Variants in CLU observed in about 807,000 individuals in gnomAD.
The protein encoded by CLU is aging-associated protein 4.
In CLU, 25 loss-of-function variants were observed where a neutral mutation model predicts 46.4. That is an observed-to-expected ratio of 0.54 (90% CI 0.39 to 0.75). The LOEUF is 0.75. Ranked by LOEUF, CLU falls within the 30% of genes least tolerant of loss-of-function variation. The pLI, the probability that CLU is intolerant of heterozygous loss-of-function variation, is 0.00. For synonymous variants in CLU, 235 were observed against 235.1 expected, an observed-to-expected ratio of 1.00 and a Z score of 0.00; for missense variants, 504 against 592.1, an observed-to-expected ratio of 0.85 and a Z score of 1.54.
intron 1 of CLU, among the ~76,000 whole-genome samples, chr8:27,612,728 G>A (rs932651980): frequency 2.0e-5 from 3 of 151,748 alleles, no homozygotes; most frequent in Non-Finnish European, 4.4e-5. Context: ...TCCTTTGCTC[G>A]GACTCACCTC....
At chr8:27,611,308 G>T (rs1024806780) in intron 1 of CLU, 4 of 455,042 alleles carry the variant, frequency 8.8e-6, no homozygotes, top group Admixed American at 4.7e-5. Context: ...GAGAGGGTTC[G>T]CAGTGGCCCG....
At chr8:27,602,047 C>T (rs560343526) in intron 6 of CLU, among the ~76,000 whole-genome samples, 4 of 152,186 alleles carry the variant, frequency 2.6e-5, no homozygotes, top group East Asian at 1.9e-4. Context: ...GCAAAGATTG[C>T]GCCACTACGC....
chr8:27,611,332 C>CCAGA (rs1226995540), intron 1 of CLU: 15 of 455,754 alleles, frequency 3.3e-5, no homozygotes, highest in African/African-American at 1.8e-4. Flanking sequence ...AGCAGGCTTC[C>CCAGA]CAGAGAAAGT....
intron 1 of CLU, chr8:27,614,123 C>A (rs754599443): frequency 6.6e-6 from 1 of 152,232 alleles, no homozygotes; most frequent in Non-Finnish European, 1.5e-5. Flanking sequence ...CAGAAAAAGT[C>A]GGATTTCGGT....
intron 1 of CLU, chr8:27,610,987 C>G (rs1800916592): frequency 8.2e-6 from 3 of 365,558 alleles, no homozygotes; most frequent in South Asian, 2.1e-5. Context: ...GAAAATACCC[C>G]CCTTAGGTCA....
chr8:27,603,616 C>A (rs777725427), intron 6 of CLU, among the ~76,000 whole-genome samples: 8 of 152,090 alleles, frequency 5.3e-5, no homozygotes, highest in Non-Finnish European at 1.2e-4. Context: ...GGAAATATTC[C>A]CTTTGCCTAG....
intron 6 of CLU, among the ~76,000 whole-genome samples, chr8:27,603,362 G>A (rs1405137347): frequency 6.6e-6 from 1 of 152,196 alleles, no homozygotes; most frequent in Non-Finnish European, 1.5e-5. Context: ...TAAAATTATA[G>A]GAGTGAGGCT....
rs752908775 is a variant in CLU, at chr8:27,598,194, G to A, written c.*47C>T. The A allele has an allele frequency of 2.5e-6, 4 of 1,606,708 alleles. No individual in the cohort carries two copies. Among genetic ancestry groups the A allele is most frequent in the Admixed American group, 3.3e-5 (2 of 59,862 alleles). On this transcript the variant is annotated 3_prime_UTR_variant, in exon 9 of 9. Transcript: ENST00000316403. ...GGGGGGCTGCAGCTCATCTTGGGGGGAGCTGGACTCAGATGCCCCCGTAGG... is the reference window on the plus strand; with the variant it reads ...GGGGGGCTGCAGCTCATCTTGGGGGAAGCTGGACTCAGATGCCCCCGTAGG...
intron 6 of CLU, 95 bp from the exon 7 acceptor site, chr8:27,600,104 G>A: frequency 2.1e-6 from 2 of 943,666 alleles, no homozygotes; most frequent in African/African-American, 1.6e-5. Flanking sequence ...ACATGCAGCG[G>A]GAACAAAAGC....
rs375198703 is a variant in CLU at position 27,605,188 on chromosome 8, C to T, written c.565G>A (p.Glu189Lys). ...GTGAAGAACCTGTCCTGGAAGAGCTCGTCTATGATGCTGGACGCGCGGCTG... is the reference window on the plus strand; with the variant it reads ...GTGAAGAACCTGTCCTGGAAGAGCTTGTCTATGATGCTGGACGCGCGGCTG... ...HFSRASSIID[E>K]LFQDRFFTRE... Residue 189 changes from glutamate to lysine, a missense_variant, in exon 5 of 9, where the codon GAG (glutamate) becomes AAG (lysine). Around this residue, in one of 3 missense-constraint regions of CLU, gnomAD observed 428 missense variants for 484.0 expected, o/e 0.88. Transcript: ENST00000316403. 41 of 1,614,032 alleles carry T rather than the reference C, an allele frequency of 2.5e-5. No homozygotes were observed. The highest frequency in any genetic ancestry group is 1.6e-4 in the African/African-American group (12 of 74,896).
At chr8:27,608,714 C>G (rs1800866237) in intron 3 of CLU, 1 of 612,306 alleles carries the variant, frequency 1.6e-6, no homozygotes, top group South Asian at 1.9e-5. Flanking sequence ...GCATTAGGCC[C>G]TGGGCCAGGC....
intron 1 of CLU, chr8:27,611,567 A>T: frequency 2.2e-6 from 1 of 445,634 alleles, no homozygotes; most frequent in South Asian, 1.6e-5. Flanking sequence ...CACCCCCACC[A>T]TGCCCCTCCC....
In CLU at chr8:27,610,754, A is replaced by G. The variant is rs9331890; in HGVS notation, c.-29-154T>C. On this transcript the variant is annotated intron_variant, in intron 1 of 8. Transcript: ENST00000316403. The stretch of plus-strand genomic sequence containing the variant: ...TTTTATTCCTGAGGAAATGGGGGGA[A>G]ATGACCAGACTTGCCATGGACACCT... 2.0e-3 allele frequency: 1,301 copies of G among 641,084 alleles called. 14 individuals are homozygous for G. Among genetic ancestry groups the G allele is most frequent in the African/African-American group, 0.02 (1,112 of 55,456 alleles). The allele number at this position is 641,084 out of a possible 1,614,324, so 39.7% of individuals were successfully genotyped here. A position where few individuals can be genotyped will look rare whatever the true frequency, so the allele number is the denominator to read the frequency against.
rs1800982342 is a variant in CLU at position 27,614,666 on chromosome 8, A to G, written c.-41T>C. On this transcript the variant is annotated 5_prime_UTR_variant, in exon 1 of 9. Transcript: ENST00000316403. Reference sequence around the variant, plus strand: ...CGGGGACATCTCACCGGTCAGCGGCACCCTGTGCCCGCGCGCTCCTCCTGG... The same window carrying G: ...CGGGGACATCTCACCGGTCAGCGGCGCCCTGTGCCCGCGCGCTCCTCCTGG... 1 of 530,890 alleles carries G rather than the reference A, an allele frequency of 1.9e-6. No homozygotes were observed. The highest frequency in any genetic ancestry group is 5.5e-5 in the East Asian group (1 of 18,188). The allele number at this position is 530,890 out of a possible 1,614,324, so 32.9% of individuals were successfully genotyped here.
At chr8:27,602,831 G>C (rs952033128) in intron 6 of CLU, among the ~76,000 whole-genome samples, 3 of 152,156 alleles carry the variant, frequency 2.0e-5, no homozygotes, top group Non-Finnish European at 4.4e-5. Flanking sequence ...TTGGGAGGCC[G>C]AGGCGGGCAG....
chr8:27,603,886 G>A (rs758017324), intron 6 of CLU, among the ~76,000 whole-genome samples: 1 of 152,206 alleles, frequency 6.6e-6, no homozygotes, highest in African/African-American at 2.4e-5. Context: ...GGTCAGTTTT[G>A]TTAAACAAAA....
chr8:27,612,506 GAGACA>G (rs1800946660), intron 1 of CLU, among the ~76,000 whole-genome samples: 1 of 152,158 alleles, frequency 6.6e-6, no homozygotes, highest in South Asian at 2.1e-4. Flanking sequence ...CAGGAAAACC[GAGACA>G]AGCACACAGA....
intron 6 of CLU, among the ~76,000 whole-genome samples, chr8:27,602,996 C>G (rs1044728822): frequency 6.6e-6 from 1 of 152,080 alleles, no homozygotes; most frequent in African/African-American, 2.4e-5. Flanking sequence ...ACCCAGGAGG[C>G]GGAGGTCGCA....
intron 2 of CLU, 44 bp from the exon 3 acceptor site, chr8:27,609,130 G>T (rs768948836): frequency 2.9e-5 from 47 of 1,607,130 alleles, no homozygotes; most frequent in Non-Finnish European, 3.9e-5. Context: ...AGAGGAAGAG[G>T]TGGCCTCAGG....
Sources: allele counts gnomAD v4.1 joint callset (sites outside exome capture counted in the v4.1 genomes callset), GRCh38; gene constraint gnomAD v4.1.1; regional missense constraint gnomAD v4.1.1; transcripts MANE v1.5; gene names NCBI Gene and HGNC (gene_info 2026-07-23, HGNC 2026-07-21).